The following AGPS variants were observed in gnomAD, a reference collection of about 807,000 sequenced individuals.
The protein encoded by AGPS is alkylglycerone phosphate synthase, also known as alkyldihydroxyacetonephosphate synthase, peroxisomal.
In AGPS, 26 loss-of-function variants were observed where a neutral mutation model predicts 90.7. The observed-to-expected ratio is 0.29, with a 90% CI of 0.21 to 0.40. The LOEUF (loss-of-function observed/expected upper bound fraction) is 0.40, where lower values mean the gene tolerates loss of function less well. AGPS is among the 10% of genes least tolerant of loss of function. The pLI is 1.00. For missense variants in AGPS, 540 were observed against 816.1 expected (o/e 0.66, Z 4.12); for synonymous variants, 294 against 285.3 (o/e 1.03, Z -0.31).
At chr2:177,496,383 A>G (rs1688413710) in intron 12 of AGPS, among the ~76,000 whole-genome samples, 1 of 152,214 alleles carries the variant, frequency 6.6e-6, no homozygotes, top group Admixed American at 6.5e-5. Context: ...ATTTGGGACC[A>G]GAAATGAATG....
chr2:177,440,829 C>T (rs1559047393), intron 5 of AGPS, 136 bp from the exon 6 acceptor site: 2 of 701,008 alleles, frequency 2.9e-6, no homozygotes, highest in Non-Finnish European at 5.0e-6. Context: ...TTTTAGTACT[C>T]AATTAACTCA....
intron 1 of AGPS, among the ~76,000 whole-genome samples, chr2:177,419,362 C>T (rs996069360): frequency 6.6e-6 from 1 of 151,852 alleles, no homozygotes; most frequent in Non-Finnish European, 1.5e-5. Context: ...GTTATTTGCA[C>T]CATAAACTGC....
intron 5 of AGPS, among the ~76,000 whole-genome samples, chr2:177,439,172 C>T (rs1266346839): frequency 6.6e-6 from 1 of 152,136 alleles, no homozygotes; most frequent in Non-Finnish European, 1.5e-5. Context: ...AACTTTAGAA[C>T]TGTGAAAATA....
rs562198955 is a variant in AGPS, at chr2:177,438,130, C to T, written c.637+1076C>T. Among the ~76,000 whole-genome samples, 22 of 152,280 alleles carry T rather than the reference C, an allele frequency of 1.4e-4. No individual in the cohort carries two copies. In the South Asian group the frequency reaches 2.7e-3, roughly 19 times the overall value. ...TGGAGAAGGTTTATTCCATTTATTA[C>T]TGGAAAACATGAAAGCAAAATTTAT... On this transcript the variant is annotated intron_variant, in intron 5 of 19. Transcript: ENST00000264167.
intron 1 of AGPS, among the ~76,000 whole-genome samples, chr2:177,414,054 GC>G (rs954946240): frequency 3.3e-5 from 5 of 151,910 alleles, no homozygotes; most frequent in Non-Finnish European, 7.4e-5. Context: ...TGCCCTTCTT[GC>G]CCCCCGCCCC....
At chr2:177,496,384 G>C (rs993955609) in intron 12 of AGPS, among the ~76,000 whole-genome samples, 1 of 152,110 alleles carries the variant, frequency 6.6e-6, no homozygotes, top group Admixed American at 6.5e-5. Context: ...TTTGGGACCA[G>C]AAATGAATGT....
chr2:177,508,142 T>C, intron 16 of AGPS, 111 bp downstream of exon 16: 1 of 821,226 alleles, frequency 1.2e-6, no homozygotes, highest in South Asian at 1.4e-5. Context: ...TGAAGAAACA[T>C]TGAGACAAGG....
At chr2:177,490,085 T>G (rs1352751439) in intron 11 of AGPS, among the ~76,000 whole-genome samples, 2 of 152,168 alleles carry the variant, frequency 1.3e-5, no homozygotes, top group Non-Finnish European at 2.9e-5. Flanking sequence ...TTTAAAGCAG[T>G]GGAAACATAA....
At chr2:177,439,648 A>G (rs748637197) in intron 5 of AGPS, among the ~76,000 whole-genome samples, 24 of 152,174 alleles carry the variant, frequency 1.6e-4, no homozygotes, top group Non-Finnish European at 2.9e-4. Context: ...TGCAACTTTT[A>G]TGGAACTATT....
At chr2:177,397,150 G>T (rs1685203824) in intron 1 of AGPS, among the ~76,000 whole-genome samples, 1 of 151,880 alleles carries the variant, frequency 6.6e-6, no homozygotes, top group African/African-American at 2.4e-5. Context: ...TCTTGGCCAG[G>T]CTGGTCTCGA....
At position 177,540,787 on chromosome 2, in the gene AGPS, T is replaced by C. The variant is rs2079227907; in HGVS notation, c.*2592T>C. Reference sequence around the variant, plus strand: ...TAAATTTGGTAATGTCACATTTGGGTTGGGGTTTCAGTGGGAATAGTAACT... The same window carrying C: ...TAAATTTGGTAATGTCACATTTGGGCTGGGGTTTCAGTGGGAATAGTAACT... On this transcript the variant is annotated 3_prime_UTR_variant, in exon 20 of 20. Transcript: ENST00000264167. 1 of 152,082 alleles carries C rather than the reference T, an allele frequency of 6.6e-6. No individual in the cohort carries two copies. The highest frequency in any genetic ancestry group is 2.4e-5 in the African/African-American group (1 of 41,418). The allele number at this position is 152,082 out of a possible 1,614,324, so 9.4% of individuals were successfully genotyped here.
chr2:177,411,014 A>G (rs914181927), intron 1 of AGPS, among the ~76,000 whole-genome samples: 6 of 152,146 alleles, frequency 3.9e-5, no homozygotes, highest in Non-Finnish European at 8.8e-5. Flanking sequence ...CAACTTGCCC[A>G]GCCTTTCGGT....
At chr2:177,508,070 C>T (rs374235977) in intron 16 of AGPS, 39 bp downstream of exon 16, 68 of 1,404,936 alleles carry the variant, frequency 4.8e-5, no homozygotes, top group Non-Finnish European at 6.2e-5. Context: ...TTCAAATATG[C>T]GATATGAATT....
chr2:177,504,321 G>T (rs63049061), intron 14 of AGPS, among the ~76,000 whole-genome samples: 127,740 of 151,754 alleles, frequency 0.84, 53,948 homozygotes, highest in East Asian at 0.95. Context: ...TTGAAACTTG[G>T]AGGCTTTCTA....
chr2:177,510,036 C>G (rs114219955), intron 16 of AGPS, among the ~76,000 whole-genome samples: 2 of 152,184 alleles, frequency 1.3e-5, no homozygotes, highest in African/African-American at 4.8e-5. Context: ...TTGGGGAAAA[C>G]CTTTTAACGC....
At chr2:177,497,804 A>C in intron 13 of AGPS, 39 bp downstream of exon 13, 1 of 1,140,906 alleles carries the variant, frequency 8.8e-7, no homozygotes, top group Non-Finnish European at 1.3e-6. Context: ...GTAAATGCTT[A>C]AGATATCTGT....
chr2:177,500,110 C>T (rs534669709), intron 14 of AGPS, among the ~76,000 whole-genome samples: 2 of 151,852 alleles, frequency 1.3e-5, no homozygotes, highest in African/African-American at 4.8e-5. Flanking sequence ...ATGTATAAAG[C>T]GTGCTACTAG....
At chr2:177,446,311 G>A (rs1686771366) in intron 8 of AGPS, among the ~76,000 whole-genome samples, 1 of 151,966 alleles carries the variant, frequency 6.6e-6, no homozygotes, top group African/African-American at 2.4e-5. Flanking sequence ...CCACTACCGC[G>A]CCTGGCTAAT....
In AGPS at chr2:177,424,424, T is replaced by C. The variant is rs577120350; in HGVS notation, c.350+4066T>C. On this transcript the variant is annotated intron_variant, in intron 2 of 19. Transcript: ENST00000264167. ...TGTGAATTGTGCTGCAATGAACATA[T>C]GCATGCATATATCTTTATAATAGAA... is the stretch of plus-strand genomic sequence containing the variant. Among the ~76,000 whole-genome samples, 5 of 148,950 alleles carry C rather than the reference T, an allele frequency of 3.4e-5. No individual in the cohort carries two copies. In the South Asian group the frequency reaches 8.7e-4, roughly 26 times the overall value.
Sources: allele counts gnomAD v4.1 joint callset (sites outside exome capture counted in the v4.1 genomes callset), GRCh38; gene constraint gnomAD v4.1.1; transcripts MANE v1.5; gene names NCBI Gene and HGNC (gene_info 2026-07-23, HGNC 2026-07-21).